The following UBA3 variants were observed in gnomAD, a reference collection of about 807,000 sequenced individuals.
The protein encoded by UBA3 is NEDD8-activating enzyme E1 catalytic subunit.
In UBA3, 26 loss-of-function variants were observed where a neutral mutation model predicts 73.5. The observed-to-expected ratio is 0.35, with a 90% confidence interval of 0.26 to 0.49. The LOEUF (loss-of-function observed/expected upper bound fraction) is 0.49. Ranked by LOEUF, UBA3 falls within the 20% of genes least tolerant of loss-of-function variation. UBA3 has a pLI of 0.98. For missense variants in UBA3, 495 were observed against 555.6 expected (o/e 0.89, Z 1.10); for synonymous variants, 217 against 191.2 (o/e 1.13, Z -1.11).
At chr3:69,080,030 C>T in intron 2 of UBA3, 82 bp downstream of exon 2, 1 of 1,356,262 alleles carries the variant, frequency 7.4e-7, no homozygotes, top group Non-Finnish European at 1.0e-6. Context: ...CCCCCCGGGC[C>T]CGCTGCGGCT....
chr3:69,063,267 T>C (rs1159580335), intron 8 of UBA3, 130 bp from the exon 9 acceptor site: 2 of 1,311,298 alleles, frequency 1.5e-6, no homozygotes, highest in Non-Finnish European at 2.1e-6. Context: ...GGGATTATAA[T>C]AACAATTTGT....
chr3:69,055,976 A>G (rs1325745119), intron 16 of UBA3, 24 bp downstream of exon 16: 19 of 1,599,364 alleles, frequency 1.2e-5, no homozygotes, highest in Non-Finnish European at 1.6e-5. Context: ...TTTCTGAAAA[A>G]AATTTAAAAT....
rs575776118 is a variant in UBA3, at chr3:69,073,886, G to A, written c.264+1544C>T. ...TCTCGATCTCCTGACCTTGTGATCC[G>A]CCTGCCTCGGCCTCCCAAAGTGCTG... On this transcript the variant is annotated intron_variant, in intron 4 of 17. Coordinates refer to ENST00000361055, the MANE Select transcript of UBA3 (RefSeq NM_003968.4). Among the ~76,000 whole-genome samples, 20 of 146,794 alleles carry A rather than the reference G, an allele frequency of 1.4e-4. No homozygotes were observed. In the South Asian group the frequency reaches 2.3e-3, roughly 17 times the overall value.
chr3:69,055,822 T>C, intron 17 of UBA3, 29 bp downstream of exon 17: 6 of 1,582,402 alleles, frequency 3.8e-6, no homozygotes, highest in Non-Finnish European at 5.2e-6. Flanking sequence ...AGAAAGAAAA[T>C]GATTAGTAAA....
chr3:69,079,538 A>AAGAAAT (rs2092199722), intron 2 of UBA3, among the ~76,000 whole-genome samples: 1 of 152,250 alleles, frequency 6.6e-6, no homozygotes, highest in Admixed American at 6.5e-5. Flanking sequence ...GCATAGAATT[A>AAGAAAT]AGCATCTGAT....
intron 1 of UBA3, 41 bp downstream of exon 1, chr3:69,080,293 C>T (rs762882475): frequency 1.2e-6 from 2 of 1,602,408 alleles, no homozygotes; most frequent in Non-Finnish European, 8.5e-7. Context: ...TCTCTCACAA[C>T]CCAGCCCAGC....
chr3:69,062,276 T>G, intron 9 of UBA3, 97 bp from the exon 10 acceptor site: 1 of 808,146 alleles, frequency 1.2e-6, no homozygotes, highest in Non-Finnish European at 2.1e-6. Flanking sequence ...TTCATACAAT[T>G]TGTTTCAACT....
At position 69,055,903 on chromosome 3, in the gene UBA3, C is replaced by T. The variant is rs773407936; in HGVS notation, c.1251G>A (p.Ser417=). ...EGKNRTLYLQ[S]VTSIEERTRP... is the part of the protein sequence containing the mutation. Reference sequence around the variant, plus strand: ...TTGTTCGTTCTTCAATAGAGGTTACCGACTAGAAAACAAAATTACTTTAAT... The same window carrying T: ...TTGTTCGTTCTTCAATAGAGGTTACTGACTAGAAAACAAAATTACTTTAAT... Residue 417 remains serine (S), a splice_region_variant and synonymous_variant, in exon 17 of 18, where the codon TCG becomes TCA. Coordinates refer to ENST00000361055, the MANE Select transcript of UBA3 (RefSeq NM_003968.4). 3.6e-5 allele frequency: 58 copies of T among 1,611,178 alleles called. No homozygotes were observed. The South Asian group carries it at 5.0e-4, about 14-fold the overall frequency.
Position 69,056,690 on chromosome 3 carries a change from T to C in UBA3, c.1005A>G (p.Ala335=). 6.2e-7 allele frequency: 1 copy of C among 1,613,086 alleles called. No individual in the cohort carries two copies. The highest frequency in any genetic ancestry group is 1.1e-5 in the South Asian group (1 of 91,018). Residue 335 remains alanine, a synonymous_variant, in exon 14 of 18, where the codon GCA becomes GCG. Coordinates refer to ENST00000361055, the MANE Select transcript of UBA3 (RefSeq NM_003968.4). ...CCAAGTAATTATTCAAGGGAATGTATGCACTGTAATGAAAAAATGTTCATC... is the reference window on the plus strand; with the variant it reads ...CCAAGTAATTATTCAAGGGAATGTACGCACTGTAATGAAAAAATGTTCATC... ...ATEVFKIATS[A]YIPLNNYLVF...
At chr3:69,068,039 T>TGA in intron 5 of UBA3, 31 bp from the exon 6 acceptor site, 3 of 1,350,818 alleles carry the variant, frequency 2.2e-6, no homozygotes, top group Non-Finnish European at 3.1e-6. Flanking sequence ...TTATAATTCA[T>TGA]ATTATAAATC....
chr3:69,056,849 CA>C, intron 12 of UBA3, 34 bp from the exon 13 acceptor site: 3 of 1,596,340 alleles, frequency 1.9e-6, no homozygotes, highest in Non-Finnish European at 2.6e-6. Flanking sequence ...TGCTTTAACT[CA>C]ATGGAAATTA....
chr3:69,063,245 G>C (rs2092038932), intron 8 of UBA3, 108 bp from the exon 9 acceptor site: 2 of 1,400,710 alleles, frequency 1.4e-6, no homozygotes, highest in African/African-American at 2.9e-5. Context: ...GAATACCAAT[G>C]TATCAAATCA....
Position 69,061,887 on chromosome 3 carries a change from T to G in UBA3, c.837A>C (p.Gln279His), listed in dbSNP as rs752228363. ...PLDGDDPEHI[Q>H]WIFQKSLERA... ...TCTCTAGGGATTTTTGGAAAATCCA[T>G]TGTATATGTTCAGGATCATCTCCAT... Residue 279 changes from glutamine to histidine, a missense_variant, in exon 11 of 18, where the codon CAA becomes CAC. Transcript: ENST00000361055. The G allele has an allele frequency of 6.2e-7, 1 of 1,612,012 alleles. No homozygotes were observed. The highest frequency in any genetic ancestry group is 1.1e-5 in the South Asian group (1 of 90,714).
chr3:69,074,997 C>T (rs1157627896), intron 4 of UBA3: 1 of 152,520 alleles, frequency 6.6e-6, no homozygotes, highest in African/African-American at 2.4e-5. Context: ...ATCTCTAAAC[C>T]TCAATGTCTC....
chr3:69,079,679 T>G, intron 2 of UBA3: 1 of 179,086 alleles, frequency 5.6e-6, no homozygotes, highest in Non-Finnish European at 1.2e-5. Context: ...ACATGTAGAG[T>G]TATCATTAAA....
In UBA3 at chr3:69,056,675, A is replaced by T. The variant is rs1575827976; in HGVS notation, c.1020T>A (p.Asn340Lys). 2 of 1,613,500 alleles carry T rather than the reference A, an allele frequency of 1.2e-6. No individual in the cohort carries two copies. The highest frequency in any genetic ancestry group is 2.2e-5 in the East Asian group (1 of 44,760). Residue 340 changes from asparagine (N) to lysine (K), a missense_variant, in exon 14 of 18, where the codon AAT (asparagine) becomes AAA (lysine). Physicochemically the swap from Asn to Lys is moderately conservative, Grantham distance 94. Transcript: ENST00000361055. Reference protein sequence around the residue: ...KIATSAYIPLNNYLVFNDVDG... With the variant: ...KIATSAYIPLKNYLVFNDVDG... ...CTACATCATTAAACACCAAGTAATTATTCAAGGGAATGTATGCACTGTAAT... is the reference window on the plus strand; with the variant it reads ...CTACATCATTAAACACCAAGTAATTTTTCAAGGGAATGTATGCACTGTAAT...
Position 69,055,412 on chromosome 3 carries a change from G to A in UBA3, c.*25C>T, listed in dbSNP as rs1240507159. 20 of 1,411,382 alleles carry A rather than the reference G, an allele frequency of 1.4e-5. No homozygotes were observed. Among genetic ancestry groups the A allele is most frequent in the Non-Finnish European group, 1.4e-5 (15 of 1,061,250 alleles). The allele number at this position is 1,411,382 out of a possible 1,614,324, so 87.4% of individuals were successfully genotyped here. A position where few individuals can be genotyped will look rare whatever the true frequency, so the allele number is the denominator to read the frequency against. On this transcript the variant is annotated 3_prime_UTR_variant, in exon 18 of 18. Transcript: ENST00000361055. Reference sequence around the variant, plus strand: ...TCCACAAAGTATATTATTTCCATGAGTTTTCTATTATGTGGAGATTTTCCT... The same window carrying A: ...TCCACAAAGTATATTATTTCCATGAATTTTCTATTATGTGGAGATTTTCCT...
At chr3:69,071,671 G>A (rs1003646313) in intron 4 of UBA3, 54 bp from the exon 5 acceptor site, 22 of 1,144,510 alleles carry the variant, frequency 1.9e-5, no homozygotes, top group African/African-American at 1.3e-4. Context: ...ATTTAAAAAC[G>A]TAACATTTGT....
chr3:69,057,303 A>G lies in UBA3; in HGVS notation c.917T>C (p.Val306Ala), dbSNP rs778418095. 1 of 1,610,170 alleles carries G rather than the reference A, an allele frequency of 6.2e-7. No homozygotes were observed. The change falls in exon 12 of 18, where the codon GTA becomes GCA. Residue 306 changes from valine to alanine, a missense_variant. Physicochemically the swap from Val to Ala is moderately conservative, Grantham distance 64. Coordinates refer to ENST00000361055, the MANE Select transcript of UBA3 (RefSeq NM_003968.4). ...GVTYRLTQGV[V>A]KRIIPAVAST... ...AGCTACTGCAGGAATGATTCTTTTT[A>G]CTACCCCTGAAAAAACATATCAATT...
Sources: gnomAD v4.1 joint callset for allele counts (sites outside exome capture counted in the v4.1 genomes callset) on GRCh38, gnomAD v4.1.1 for gene constraint, MANE v1.5 for transcripts, NCBI Gene and HGNC (gene_info 2026-07-23, HGNC 2026-07-21) for gene names.